Variants in EXTL3 observed in about 807,000 individuals in gnomAD.
The protein encoded by EXTL3 is exostosin like glycosyltransferase 3.
EXTL3 carries 27 observed loss-of-function variants against 69.3 expected under a neutral mutation model. That is an observed-to-expected ratio of 0.39 (90% CI 0.29 to 0.54). The LOEUF (loss-of-function observed/expected upper bound fraction) is 0.54. EXTL3 is among the 20% of genes least tolerant of loss of function. The probability of loss-of-function intolerance (pLI) is 0.69; values close to 1 mark genes in which losing one functional copy is unlikely to be tolerated. For synonymous variants in EXTL3, 511 were observed against 499.4 expected, an observed-to-expected ratio of 1.02 and a Z score of -0.31; for missense variants, 1,003 against 1,231.8, an observed-to-expected ratio of 0.81 and a Z score of 2.78.
At chr8:28,735,729 T>C (rs1801637637) in intron 4 of EXTL3, among the ~76,000 whole-genome samples, 1 of 152,214 alleles carries the variant, frequency 6.6e-6, no homozygotes, top group Admixed American at 6.5e-5. Context: ...AATTCTTTCT[T>C]CTGGCAAAGA....
chr8:28,626,543 G>T (rs1806494181), intron 1 of EXTL3, among the ~76,000 whole-genome samples: 2 of 152,162 alleles, frequency 1.3e-5, no homozygotes, highest in South Asian at 4.1e-4. Context: ...ATTTCATTTG[G>T]TTTTTGTAAC....
At chr8:28,617,274 C>T (rs1217564883) in intron 2 of EXTL3, among the ~76,000 whole-genome samples, 1 of 152,022 alleles carries the variant, frequency 6.6e-6, no homozygotes, top group Non-Finnish European at 1.5e-5. Flanking sequence ...ATGGGGATGG[C>T]CCGTGACTAG....
chr8:28,661,149 G>A (rs1020258912), intron 1 of EXTL3, among the ~76,000 whole-genome samples: 15 of 151,836 alleles, frequency 9.9e-5, no homozygotes, highest in African/African-American at 3.1e-4. Flanking sequence ...TCCTGACTTC[G>A]TGATCCGCCC....
chr8:28,685,836 T>C (rs1807567660), intron 1 of EXTL3: 1 of 151,512 alleles, frequency 6.6e-6, no homozygotes, highest in South Asian at 2.1e-4. Context: ...TGTATATATA[T>C]ACATATTTTA....
At chr8:28,755,733 A>G (rs1251276803), downstream of EXTL3, 3 of 152,184 alleles carry the variant, frequency 2.0e-5, no homozygotes, top group East Asian at 5.8e-4. Context: ...CTGGGCAACA[A>G]GAAACTCCGT....
rs1373383278 is a variant in EXTL3 at position 28,737,421 on chromosome 8, A to AG, written c.2277-95dup. On this transcript the variant is annotated intron_variant, in intron 4 of 6. Transcript: ENST00000220562. ...AAAGGATACGAGAAGTAAAAGCCTAAGGGCCAGAGCTTGTAAGGTGGAGGC... is the reference window on the plus strand; with the variant it reads ...AAAGGATACGAGAAGTAAAAGCCTAAGGGGCCAGAGCTTGTAAGGTGGAGGC... 34 of 1,328,970 alleles carry AG rather than the reference A, an allele frequency of 2.6e-5. No homozygotes were observed. The Admixed American group carries it at 5.8e-4, about 23-fold the overall frequency. 82.3% of individuals were successfully genotyped at this position (1,328,970 alleles called of 1,614,324 possible). A position where few individuals can be genotyped will look rare whatever the true frequency, so the allele number is the denominator to read the frequency against.
At chr8:28,627,585 G>C (rs1397408816) in intron 1 of EXTL3, among the ~76,000 whole-genome samples, 2 of 152,036 alleles carry the variant, frequency 1.3e-5, no homozygotes, top group African/African-American at 2.4e-5. Context: ...TGTCACTTCT[G>C]GATTTAAAGC....
intron 1 of EXTL3, among the ~76,000 whole-genome samples, chr8:28,651,917 A>G (rs561367063): frequency 2.0e-5 from 3 of 152,330 alleles, no homozygotes; most frequent in African/African-American, 7.2e-5. Flanking sequence ...GTGGAATCAT[A>G]CAGTATGGTC....
At position 28,717,531 on chromosome 8, in the gene EXTL3, C is replaced by A. The variant is rs1381829853; in HGVS notation, c.1472C>A (p.Thr491Asn). 3 of 1,614,122 alleles carry A rather than the reference C, an allele frequency of 1.9e-6. No individual in the cohort carries two copies. The highest frequency in any genetic ancestry group is 1.3e-5 in the African/African-American group (1 of 74,944). ...CTGGTGGTGCCAAAGCCTCGTGTTA[C>A]CGAGGTTCATTTCCTGCTCAGAAGC... ...AALVVPKPRV[T>N]EVHFLLRSLS... The change falls in exon 3 of 7, where the codon ACC (threonine) becomes AAC (asparagine). Residue 491 changes from threonine to asparagine, a missense_variant. Thr to Asn is a moderately conservative substitution (Grantham distance 65). Around this residue, in one of 2 missense-constraint regions of EXTL3, gnomAD observed 742 missense variants for 815.4 expected, o/e 0.91. Coordinates refer to ENST00000220562, the MANE Select transcript of EXTL3 (RefSeq NM_001440.4). The surrounding 1 kb of genome is among the most constrained non-coding windows in gnomAD (Gnocchi z 8.3).
intron 1 of EXTL3, among the ~76,000 whole-genome samples, chr8:28,664,479 G>A (rs1585238826): frequency 6.6e-6 from 1 of 152,132 alleles, no homozygotes; most frequent in Non-Finnish European, 1.5e-5. Flanking sequence ...CACTGCATCC[G>A]GCCTCTGGGG....
intron 3 of EXTL3, among the ~76,000 whole-genome samples, chr8:28,729,292 C>CAGAA (rs1801481374): frequency 1.4e-5 from 1 of 74,068 alleles, no homozygotes; most frequent in African/African-American, 5.9e-5. Flanking sequence ...GACTCTATCT[C>CAGAA]AAAAAAAAAA....
intron 1 of EXTL3, among the ~76,000 whole-genome samples, chr8:28,689,040 T>C (rs1206045415): frequency 6.6e-6 from 1 of 152,228 alleles, no homozygotes; most frequent in African/African-American, 2.4e-5. Context: ...CTCTCCTTCT[T>C]ATGGTTTCTT....
At chr8:28,703,174 G>A (rs1351398605) in intron 1 of EXTL3, among the ~76,000 whole-genome samples, 1 of 152,168 alleles carries the variant, frequency 6.6e-6, no homozygotes. Context: ...AGTGCTTTCT[G>A]GAAGAGTCAG....
chr8:28,676,036 A>AAAG (rs1554479588), intron 1 of EXTL3, among the ~76,000 whole-genome samples: 26 of 151,106 alleles, frequency 1.7e-4, no homozygotes, highest in Non-Finnish European at 2.9e-4. Context: ...AAAAAAAAAA[A>AAAG]AAGAAGAAAA....
chr8:28,716,950 G>T lies in EXTL3; in HGVS notation c.891G>T (p.Met297Ile), dbSNP rs866103778. The stretch of plus-strand genomic sequence containing the variant: ...ATAACGTCAGTACTGGCCGTGCCAT[G>T]GTGGCCCAGTCCACCTTCTACACTG... Reference protein sequence around the residue: ...LLYNVSTGRAMVAQSTFYTVQ... With the variant: ...LLYNVSTGRAIVAQSTFYTVQ... The change falls in exon 3 of 7, where the codon ATG becomes ATT. Residue 297 changes from methionine to isoleucine, a missense_variant. Transcript: ENST00000220562. This position sits in a 1 kb window ranked among gnomAD's most constrained non-coding sequence, Gnocchi z 7.1. 7 of 1,614,092 alleles carry T rather than the reference G, an allele frequency of 4.3e-6. No individual in the cohort carries two copies. In the Admixed American group the frequency reaches 8.3e-5, roughly 19 times the overall value.
chr8:28,729,385 A>G (rs1291528247), intron 3 of EXTL3, among the ~76,000 whole-genome samples: 1 of 151,074 alleles, frequency 6.6e-6, no homozygotes, highest in Non-Finnish European at 1.5e-5. Context: ...TCATGAGGTC[A>G]GGATTTCAAG....
At chr8:28,613,262 C>A (rs1157967696) in intron 2 of EXTL3, among the ~76,000 whole-genome samples, 2 of 152,126 alleles carry the variant, frequency 1.3e-5, no homozygotes, top group Non-Finnish European at 2.9e-5. Flanking sequence ...TGGTTCACTG[C>A]AACCTCTGCC....
chr8:28,615,301 C>T (rs1000227817), intron 2 of EXTL3, among the ~76,000 whole-genome samples: 2 of 152,164 alleles, frequency 1.3e-5, no homozygotes, highest in African/African-American at 4.8e-5. Context: ...TGTATCTTTA[C>T]TGATTTTCTG....
In EXTL3 at chr8:28,716,925, A is replaced by G. The variant is rs768286829; in HGVS notation, c.866A>G (p.Tyr289Cys). The G allele has an allele frequency of 1.1e-5, 17 of 1,614,114 alleles. No homozygotes were observed. The highest frequency in any genetic ancestry group is 3.3e-5 in the Admixed American group (2 of 60,008). The change falls in exon 3 of 7, where the codon TAT becomes TGT. Residue 289 changes from tyrosine (Y) to cysteine (C), a missense_variant. Transcript: ENST00000220562. The surrounding 1 kb of genome is among the most constrained non-coding windows in gnomAD (Gnocchi z 7.1). The stretch of plus-strand genomic sequence containing the variant: ...AAGTCAGATACACAGAACCTTCTCT[A>G]TAACGTCAGTACTGGCCGTGCCATG... ...SRKSDTQNLLYNVSTGRAMVA... is the reference protein window; with the variant it reads ...SRKSDTQNLLCNVSTGRAMVA...
Sources: allele counts gnomAD v4.1 joint callset (sites outside exome capture counted in the v4.1 genomes callset), GRCh38; gene constraint gnomAD v4.1.1; regional missense constraint gnomAD v4.1.1; non-coding constraint Gnocchi (gnomAD v3.1); transcripts MANE v1.5; gene names NCBI Gene and HGNC (gene_info 2026-07-23, HGNC 2026-07-21).